The following LRRC7 variants were observed in gnomAD, a reference collection of about 807,000 sequenced individuals.
LRRC7 encodes the protein leucine rich repeat containing 7, also known as leucine-rich repeat-containing protein 7.
Under a neutral mutation model 175.7 loss-of-function variants are expected in LRRC7, and 23 were observed. That is an observed-to-expected ratio of 0.13 (90% CI 0.09 to 0.19). LRRC7 has a LOEUF of 0.19. Ranked by LOEUF, LRRC7 falls within the 10% of genes least tolerant of loss-of-function variation. LRRC7 has a pLI of 1.00. For missense variants in LRRC7, 1,354 were observed against 1,904.7 expected, an observed-to-expected ratio of 0.71 and a Z score of 5.38; for synonymous variants, 685 against 680.9, an observed-to-expected ratio of 1.01 and a Z score of -0.09.
chr1:69,691,018 AAG>A (rs1288116416), intron 2 of LRRC7, among the ~76,000 whole-genome samples: 1 of 152,270 alleles, frequency 6.6e-6, no homozygotes, highest in Non-Finnish European at 1.5e-5. Flanking sequence ...GAATATCTCA[AAG>A]GGAAAACAAT....
Position 69,847,270 on chromosome 1 carries a change from A to G in LRRC7, c.647+8987A>G, listed in dbSNP as rs78196274. ...TAAATAAATGTAGTATTTTTCCTAA[A>G]TGAATGTTCTGAAACATTATACTAA... is the stretch of plus-strand genomic sequence containing the variant. On this transcript the variant is annotated intron_variant, in intron 7 of 26. Coordinates refer to ENST00000651989, the MANE Select transcript of LRRC7 (RefSeq NM_001370785.2). 8.4e-3 allele frequency among the ~76,000 whole-genome samples: 1,279 copies of G among 152,214 alleles called. 15 individuals are homozygous for G. The highest frequency in any genetic ancestry group is 0.028 in the African/African-American group (1,176 of 41,546).
intron 2 of LRRC7, among the ~76,000 whole-genome samples, chr1:69,721,190 T>C (rs1666307012): frequency 6.6e-6 from 1 of 151,916 alleles, no homozygotes; most frequent in Non-Finnish European, 1.5e-5. Context: ...AAGAGTGTTA[T>C]ATTTGTTATA....
At chr1:69,610,243 C>T (rs1648487341) in intron 1 of LRRC7, among the ~76,000 whole-genome samples, 1 of 152,040 alleles carries the variant, frequency 6.6e-6, no homozygotes. Context: ...TAGTGTTCAA[C>T]CTGTTCCTTT....
chr1:70,058,935 C>T (rs940513068), intron 23 of LRRC7, among the ~76,000 whole-genome samples: 7 of 151,804 alleles, frequency 4.6e-5, no homozygotes, highest in African/African-American at 1.7e-4. Flanking sequence ...GTCTTAAACA[C>T]ATTGAATATC....
chr1:69,893,859 G>A (rs1169813663), intron 7 of LRRC7, among the ~76,000 whole-genome samples: 1 of 152,012 alleles, frequency 6.6e-6, no homozygotes, highest in East Asian at 1.9e-4. Flanking sequence ...TGGTTTTGAG[G>A]AAGAGATATT....
At chr1:69,926,698 T>G (rs1157100364) in intron 7 of LRRC7, among the ~76,000 whole-genome samples, 1 of 152,122 alleles carries the variant, frequency 6.6e-6, no homozygotes, top group Non-Finnish European at 1.5e-5. Context: ...AGCCTATATA[T>G]TTCTCTGCAC....
At position 69,791,479 on chromosome 1, in the gene LRRC7, G is replaced by A. The variant is rs1348511247; in HGVS notation, c.304-564G>A. 3.3e-5 allele frequency among the ~76,000 whole-genome samples: 5 copies of A among 152,062 alleles called. No individual in the cohort carries two copies. The East Asian group carries it at 7.7e-4, about 23-fold the overall frequency. On this transcript the variant is annotated intron_variant, in intron 3 of 26. Transcript: ENST00000651989. ...CTGATGGCAGAAATGAAGCAATTAC[G>A]AGTGATTTTTTTCACCAAATATCAG...
At chr1:69,854,401 G>A (rs1267644593) in intron 7 of LRRC7, among the ~76,000 whole-genome samples, 3 of 152,136 alleles carry the variant, frequency 2.0e-5, no homozygotes, top group African/African-American at 7.2e-5. Flanking sequence ...TACTTGGGAG[G>A]CAGAGGCAGG....
At position 69,718,140 on chromosome 1, in the gene LRRC7, G is replaced by A. The variant is rs925919611; in HGVS notation, c.100+39662G>A. Among the ~76,000 whole-genome samples, 34 of 42,290 alleles carry A rather than the reference G, an allele frequency of 8.0e-4. 1 individual carries two copies. The highest frequency in any genetic ancestry group is 5.6e-3 in the Admixed American group (24 of 4,284). The allele number at this position is 42,290 out of a possible 152,430, so 27.7% of individuals were successfully genotyped here. A position where few individuals can be genotyped will look rare whatever the true frequency, so the allele number is the denominator to read the frequency against. On this transcript the variant is annotated intron_variant, in intron 2 of 26. Coordinates refer to ENST00000651989, the MANE Select transcript of LRRC7 (RefSeq NM_001370785.2). ...AAGAAAGAAAGAAAAGAAAGAAAGA[G>A]AGAGAAAGAAAGAAAGAAAGAAAGA...
chr1:69,851,367 T>A (rs184975027), intron 7 of LRRC7, among the ~76,000 whole-genome samples: 256 of 152,264 alleles, frequency 1.7e-3, no homozygotes, highest in Non-Finnish European at 3.1e-3. Context: ...TGAAAAGGAC[T>A]TTTTAAAGAT....
At chr1:69,819,680 T>C (rs11209549) in intron 4 of LRRC7, among the ~76,000 whole-genome samples, 33,796 of 151,360 alleles carry the variant, frequency 0.22, 4,282 homozygotes, top group African/African-American at 0.35. Context: ...ATATTTTATT[T>C]CATTTCTCCT....
intron 23 of LRRC7, among the ~76,000 whole-genome samples, chr1:70,075,754 C>T (rs1662726678): frequency 6.6e-6 from 1 of 152,172 alleles, no homozygotes; most frequent in African/African-American, 2.4e-5. Flanking sequence ...CCAGATACAG[C>T]TCCCCTTTAT....
intron 2 of LRRC7, among the ~76,000 whole-genome samples, chr1:69,683,718 T>C (rs1450617040): frequency 2.0e-5 from 3 of 151,812 alleles, no homozygotes; most frequent in Non-Finnish European, 4.4e-5. Flanking sequence ...AAGAAATATC[T>C]GCAAAATAAA....
At chr1:69,791,432 C>G (rs984147759) in intron 3 of LRRC7, among the ~76,000 whole-genome samples, 5 of 151,994 alleles carry the variant, frequency 3.3e-5, no homozygotes, top group African/African-American at 1.2e-4. Flanking sequence ...ACACTTGGCT[C>G]TTTCCCACCT....
chr1:70,131,087 G>C lies in LRRC7; in HGVS notation c.*9200G>C, dbSNP rs1666645311. Among the ~76,000 whole-genome samples the C allele has an allele frequency of 6.6e-6, 1 of 152,146 alleles. No individual in the cohort carries two copies. Among genetic ancestry groups the C allele is most frequent in the African/African-American group, 2.4e-5 (1 of 41,424 alleles). On this transcript the variant is annotated 3_prime_UTR_variant, in exon 27 of 27. Transcript: ENST00000651989. ...AAGCCACTGTAAAAGCTATATAATT[G>C]ATATGATTAACTATTTAGATAGAGC...
At chr1:69,887,703 A>T (rs1233090079) in intron 7 of LRRC7, among the ~76,000 whole-genome samples, 4 of 151,022 alleles carry the variant, frequency 2.6e-5, no homozygotes, top group Non-Finnish European at 3.0e-5. Flanking sequence ...TCTGTGTTTT[A>T]GAGTTTCCAG....
chr1:69,738,427 T>A (rs1313762432), intron 2 of LRRC7, among the ~76,000 whole-genome samples: 1 of 152,112 alleles, frequency 6.6e-6, no homozygotes, highest in Non-Finnish European at 1.5e-5. Context: ...ATCTATTTTT[T>A]AAATATTTTT....
chr1:70,056,759 C>G (rs1436899294), intron 23 of LRRC7, among the ~76,000 whole-genome samples: 1 of 152,116 alleles, frequency 6.6e-6, no homozygotes, highest in East Asian at 1.9e-4. Context: ...CTGGCTTTGT[C>G]TGATCAGTTG....
chr1:69,791,951 A>G (rs1411500749), intron 3 of LRRC7, 92 bp from the exon 4 acceptor site: 3 of 782,112 alleles, frequency 3.8e-6, no homozygotes, highest in Non-Finnish European at 4.3e-6. Context: ...TTACTACTAC[A>G]TATATAAACA....
Sources: gnomAD v4.1 joint callset for allele counts (sites outside exome capture counted in the v4.1 genomes callset) on GRCh38, gnomAD v4.1.1 for gene constraint, MANE v1.5 for transcripts, NCBI Gene and HGNC (gene_info 2026-07-23, HGNC 2026-07-21) for gene names.